Variants in RIT2 observed in about 807,000 individuals in gnomAD.
The protein encoded by RIT2 is Ras like without CAAX 2.
A neutral mutation model predicts 23.7 loss-of-function variants in RIT2; 24 were observed. That is an observed-to-expected ratio of 1.01 (90% CI 0.73 to 1.43). RIT2 has a LOEUF of 1.43. RIT2 is among the 40% of genes most tolerant of loss of function. RIT2 has a pLI of 0.00. For missense variants in RIT2, 236 were observed against 266.9 expected, an observed-to-expected ratio of 0.88 and a Z score of 0.81; for synonymous variants, 107 against 91.1, an observed-to-expected ratio of 1.17 and a Z score of -0.99.
At chr18:42,796,091 G>A (rs546190598) in intron 4 of RIT2, among the ~76,000 whole-genome samples, 1 of 152,184 alleles carries the variant, frequency 6.6e-6, no homozygotes, top group African/African-American at 2.4e-5. Flanking sequence ...TCCACACTGT[G>A]GAAGCTTTGT....
At chr18:42,886,415 T>A (rs2144086998) in intron 4 of RIT2, among the ~76,000 whole-genome samples, 1 of 152,336 alleles carries the variant, frequency 6.6e-6, no homozygotes, top group Non-Finnish European at 1.5e-5. Flanking sequence ...AGAACATTAA[T>A]AAATTGAGAT....
At chr18:43,004,895 C>T (rs1422175780) in intron 2 of RIT2, among the ~76,000 whole-genome samples, 2 of 151,784 alleles carry the variant, frequency 1.3e-5, no homozygotes, top group African/African-American at 4.8e-5. Context: ...TGCATATCTT[C>T]ACAGCATTGA....
chr18:42,857,114 C>T (rs1353729118), intron 4 of RIT2, among the ~76,000 whole-genome samples: 1 of 133,798 alleles, frequency 7.5e-6, no homozygotes, highest in African/African-American at 3.3e-5. Context: ...GCCAGCAGGC[C>T]CGGCCAAGAC....
At chr18:42,994,048 C>T (rs1357390065) in intron 2 of RIT2, among the ~76,000 whole-genome samples, 9 of 152,158 alleles carry the variant, frequency 5.9e-5, no homozygotes, top group Non-Finnish European at 1.5e-5. Context: ...TTTTGCCTAT[C>T]CACCCCGTGG....
chr18:42,986,042 C>CT (rs1271886309), intron 2 of RIT2, among the ~76,000 whole-genome samples: 1,648 of 136,176 alleles, frequency 0.012, 46 homozygotes, highest in African/African-American at 0.039. Flanking sequence ...TTTTTCTTTT[C>CT]TTTTTTTTTT....
intron 4 of RIT2, among the ~76,000 whole-genome samples, chr18:42,758,917 C>T (rs914358798): frequency 2.0e-5 from 3 of 152,058 alleles, no homozygotes; most frequent in African/African-American, 7.2e-5. Flanking sequence ...TTGATTCTGA[C>T]CAGGACTTAA....
intron 4 of RIT2, among the ~76,000 whole-genome samples, chr18:42,773,971 C>T (rs576898577): frequency 1.3e-5 from 2 of 152,208 alleles, no homozygotes; most frequent in South Asian, 2.1e-4. Flanking sequence ...CTAATTGGTA[C>T]ACAAAAAGGT....
chr18:42,766,741 C>A (rs1223489139), intron 4 of RIT2, among the ~76,000 whole-genome samples: 2 of 152,162 alleles, frequency 1.3e-5, no homozygotes, highest in Non-Finnish European at 2.9e-5. Flanking sequence ...GGCCTGGAGG[C>A]CCAGGAGGAA....
intron 3 of RIT2, among the ~76,000 whole-genome samples, chr18:42,966,364 C>T (rs1910224498): frequency 6.6e-6 from 1 of 152,058 alleles, no homozygotes; most frequent in African/African-American, 2.4e-5. Context: ...TCTTTTTCGG[C>T]TATTTCTATT....
chr18:43,083,356 C>A (rs901216038), intron 1 of RIT2, among the ~76,000 whole-genome samples: 3 of 152,172 alleles, frequency 2.0e-5, no homozygotes, highest in Non-Finnish European at 2.9e-5. Flanking sequence ...CATTGACTTT[C>A]TTCACAGAAT....
chr18:42,828,406 A>G (rs1162006609), intron 4 of RIT2, among the ~76,000 whole-genome samples: 2 of 152,150 alleles, frequency 1.3e-5, no homozygotes, highest in Non-Finnish European at 2.9e-5. Context: ...AGGTGACTAA[A>G]TTGTTTAAAT....
At chr18:43,082,081 T>A (rs965197437) in intron 1 of RIT2, among the ~76,000 whole-genome samples, 8 of 152,208 alleles carry the variant, frequency 5.3e-5, no homozygotes, top group African/African-American at 1.9e-4. Flanking sequence ...AATTTGTTAT[T>A]GGTCTATTCA....
intron 3 of RIT2, among the ~76,000 whole-genome samples, chr18:42,956,096 G>T (rs1313374711): frequency 6.6e-6 from 1 of 152,132 alleles, no homozygotes; most frequent in African/African-American, 2.4e-5. Context: ...TCTTTTCACA[G>T]AAAATTCAGG....
chr18:42,757,440 C>G (rs1913190040), intron 4 of RIT2, among the ~76,000 whole-genome samples: 1 of 152,110 alleles, frequency 6.6e-6, no homozygotes, highest in East Asian at 1.9e-4. Flanking sequence ...TGGGCTCCTT[C>G]AAGCTCACAA....
intron 4 of RIT2, among the ~76,000 whole-genome samples, chr18:42,875,794 G>C (rs919861063): frequency 6.6e-6 from 1 of 151,906 alleles, no homozygotes; most frequent in African/African-American, 2.4e-5. Flanking sequence ...CCTTCTTTCT[G>C]GTGAAGAGGG....
chr18:42,879,215 C>G (rs1375706235), intron 4 of RIT2, among the ~76,000 whole-genome samples: 1 of 152,094 alleles, frequency 6.6e-6, no homozygotes, highest in African/African-American at 2.4e-5. Flanking sequence ...GAAATTTTCT[C>G]TTTATTTTGA....
intron 4 of RIT2, among the ~76,000 whole-genome samples, chr18:42,829,416 C>T (rs1906394755): frequency 6.6e-6 from 1 of 152,202 alleles, no homozygotes; most frequent in Admixed American, 6.5e-5. Context: ...TTAAACTCTA[C>T]TACCTACCCA....
intron 2 of RIT2, among the ~76,000 whole-genome samples, chr18:42,987,831 T>C (rs997254278): frequency 1.3e-5 from 2 of 152,010 alleles, no homozygotes; most frequent in Non-Finnish European, 2.9e-5. Context: ...GTGGAGTAGA[T>C]GTCATGTGAT....
intron 4 of RIT2, among the ~76,000 whole-genome samples, chr18:42,917,275 C>A (rs1908935359): frequency 6.6e-6 from 1 of 152,108 alleles, no homozygotes; most frequent in Non-Finnish European, 1.5e-5. Context: ...ACTACATCAT[C>A]TGTTAGTTTC....
Sources: gnomAD v4.1 joint callset for allele counts (sites outside exome capture counted in the v4.1 genomes callset) on GRCh38, gnomAD v4.1.1 for gene constraint, MANE v1.5 for transcripts, NCBI Gene and HGNC (gene_info 2026-07-23, HGNC 2026-07-21) for gene names.